The following TMEM41B variants were observed in gnomAD, a reference collection of about 807,000 sequenced individuals.
The protein encoded by TMEM41B is protein stasimon.
A neutral mutation model predicts 31.9 loss-of-function variants in TMEM41B; 18 were observed. The observed-to-expected ratio is 0.56, with a 90% CI of 0.39 to 0.84. TMEM41B has a LOEUF of 0.84. Among genes scored for constraint, TMEM41B ranks in the 40% least tolerant of loss-of-function variants. TMEM41B has a pLI of 0.00. For missense variants in TMEM41B, 322 were observed against 348.0 expected, an observed-to-expected ratio of 0.93 and a Z score of 0.59; for synonymous variants, 144 against 124.3, an observed-to-expected ratio of 1.16 and a Z score of -1.05.
chr11:9,303,636 C>T (rs535034353), intron 1 of TMEM41B, among the ~76,000 whole-genome samples: 1 of 149,148 alleles, frequency 6.7e-6, no homozygotes, highest in Admixed American at 6.9e-5. Context: ...CAACTAGTCC[C>T]TATTATTCTT....
intron 3 of TMEM41B, among the ~76,000 whole-genome samples, chr11:9,290,143 G>A (rs76694657): frequency 6.1e-4 from 93 of 152,206 alleles, no homozygotes; most frequent in African/African-American, 2.1e-3. Context: ...CACTTAGGGA[G>A]TCTGAGGCAG....
At chr11:9,298,895 A>G (rs1170334947) in intron 2 of TMEM41B, among the ~76,000 whole-genome samples, 1 of 152,176 alleles carries the variant, frequency 6.6e-6, no homozygotes, top group Non-Finnish European at 1.5e-5. Flanking sequence ...TTGAAAGTCT[A>G]ACTACATCTT....
At chr11:9,304,176 T>C (rs1853324887) in intron 1 of TMEM41B, among the ~76,000 whole-genome samples, 1 of 152,194 alleles carries the variant, frequency 6.6e-6, no homozygotes, top group Non-Finnish European at 1.5e-5. Context: ...ATATGTATGC[T>C]TTTTTGGAAC....
intron 3 of TMEM41B, among the ~76,000 whole-genome samples, chr11:9,290,508 C>A (rs1395665927): frequency 6.6e-6 from 1 of 151,410 alleles, no homozygotes; most frequent in African/African-American, 2.4e-5. Context: ...ATGTAACAAA[C>A]CTGCACGCTG....
rs1361178304 is a variant in TMEM41B at position 9,283,280 on chromosome 11, G to A, written c.*144C>T. On this transcript the variant is annotated 3_prime_UTR_variant, in exon 7 of 7. Transcript: ENST00000528080. ...TTTCTTCTCCCCTTGTCACTTAAATGTATTACTTTAACTATCTGATAGGAA... is the reference window on the plus strand; with the variant it reads ...TTTCTTCTCCCCTTGTCACTTAAATATATTACTTTAACTATCTGATAGGAA... The A allele has an allele frequency of 3.1e-6, 2 of 644,330 alleles. No homozygotes were observed. Among genetic ancestry groups the A allele is most frequent in the African/African-American group, 3.7e-5 (2 of 53,754 alleles). 39.9% of individuals were successfully genotyped at this position (644,330 alleles called of 1,614,324 possible).
intron 6 of TMEM41B, among the ~76,000 whole-genome samples, chr11:9,285,091 T>TC (rs1297848561): frequency 1.3e-5 from 2 of 149,088 alleles, no homozygotes. Context: ...CTTCTTTCTT[T>TC]TTTTTTTTTT....
chr11:9,284,063 C>A (rs10840197), intron 6 of TMEM41B, among the ~76,000 whole-genome samples: 144,023 of 151,954 alleles, frequency 0.95, 68,710 homozygotes, highest in East Asian at 1. Context: ...GGATTACAGG[C>A]ATGAGCCCCT....
chr11:9,297,430 A>G (rs1434245465), intron 2 of TMEM41B, among the ~76,000 whole-genome samples: 1 of 152,160 alleles, frequency 6.6e-6, no homozygotes, highest in East Asian at 1.9e-4. Flanking sequence ...GCAGTGGCCT[A>G]GGCCTGTAAT....
intron 1 of TMEM41B, among the ~76,000 whole-genome samples, chr11:9,302,011 T>C (rs1285448353): frequency 6.7e-6 from 1 of 150,224 alleles, no homozygotes; most frequent in Admixed American, 6.6e-5. Context: ...TTCTCGGTTT[T>C]TTTTTTTTTT....
At chr11:9,304,157 G>C (rs1853324008) in intron 1 of TMEM41B, among the ~76,000 whole-genome samples, 1 of 152,114 alleles carries the variant, frequency 6.6e-6, no homozygotes, top group Non-Finnish European at 1.5e-5. Context: ...TTAACCCACA[G>C]ACGTATTGAT....
intron 2 of TMEM41B, among the ~76,000 whole-genome samples, chr11:9,295,858 T>A (rs1329806143): frequency 6.6e-6 from 1 of 151,250 alleles, no homozygotes; most frequent in Non-Finnish European, 1.5e-5. Context: ...AATTTCATTT[T>A]ATTTTTATTA....
intron 2 of TMEM41B, among the ~76,000 whole-genome samples, chr11:9,298,713 T>C (rs556469268): frequency 5.4e-4 from 81 of 150,018 alleles, no homozygotes; most frequent in Admixed American, 1.3e-3. Flanking sequence ...GAGATCACAG[T>C]AAGCCAAAAT....
chr11:9,292,181 G>A (rs1852975150), intron 3 of TMEM41B, among the ~76,000 whole-genome samples: 1 of 152,126 alleles, frequency 6.6e-6, no homozygotes, highest in African/African-American at 2.4e-5. Flanking sequence ...ATTTACTGAA[G>A]AAACCAGATC....
chr11:9,308,088 T>A (rs1378256508), intron 1 of TMEM41B, among the ~76,000 whole-genome samples: 1 of 151,822 alleles, frequency 6.6e-6, no homozygotes, highest in Non-Finnish European at 1.5e-5. Flanking sequence ...GGCTCACACA[T>A]GTAATCCCAG....
chr11:9,288,732 G>A (rs1014842835), intron 3 of TMEM41B, among the ~76,000 whole-genome samples, 197 bp from the exon 4 acceptor site: 13 of 152,046 alleles, frequency 8.6e-5, no homozygotes, highest in African/African-American at 3.1e-4. Flanking sequence ...AGGTTTCCAA[G>A]ACAAAAAACC....
chr11:9,283,353 A>G lies in TMEM41B; in HGVS notation c.*71T>C. 8.0e-7 allele frequency: 1 copy of G among 1,255,120 alleles called. No homozygotes were observed. The highest frequency in any genetic ancestry group is 1.1e-6 in the Non-Finnish European group (1 of 908,824). The allele number at this position is 1,255,120 out of a possible 1,614,324, so 77.7% of individuals were successfully genotyped here. A position where few individuals can be genotyped will look rare whatever the true frequency, so the allele number is the denominator to read the frequency against. ...TTTAATTACTGAAGAGGTGATTTTA[A>G]AACATAAATGGATGCACCTGTTAAT... On this transcript the variant is annotated 3_prime_UTR_variant, in exon 7 of 7. Transcript: ENST00000528080.
At chr11:9,287,624 T>A in intron 5 of TMEM41B, 78 bp downstream of exon 5, 1 of 919,656 alleles carries the variant, frequency 1.1e-6, no homozygotes, top group Non-Finnish European at 1.6e-6. Flanking sequence ...ATACATGTAG[T>A]TAATTCATGT....
intron 1 of TMEM41B, chr11:9,311,269 G>C: frequency 6.6e-7 from 1 of 1,506,936 alleles, no homozygotes; most frequent in Non-Finnish European, 9.0e-7. Context: ...GAAGGACCCA[G>C]GGCCTGTATT....
At chr11:9,312,847 T>G (rs1057223975) in intron 1 of TMEM41B, among the ~76,000 whole-genome samples, 1 of 136,774 alleles carries the variant, frequency 7.3e-6, no homozygotes, top group African/African-American at 2.8e-5. Context: ...GAGCTTGCAG[T>G]GAGCCAAGAT....
Sources: gnomAD v4.1 joint callset for allele counts (sites outside exome capture counted in the v4.1 genomes callset) on GRCh38, gnomAD v4.1.1 for gene constraint, MANE v1.5 for transcripts, NCBI Gene and HGNC (gene_info 2026-07-23, HGNC 2026-07-21) for gene names.